Variants in ZNF485 observed in about 807,000 individuals in gnomAD.
ZNF485 encodes the protein Zinc finger protein 93 (Zinc finger protein HTF34).
Under a neutral mutation model 10.8 loss-of-function variants are expected in ZNF485, and 9 were observed. That is an observed-to-expected ratio of 0.83 (90% CI 0.50 to 1.45). ZNF485 has a LOEUF of 1.45. Ranked by LOEUF, ZNF485 falls within the 40% of genes most tolerant of loss-of-function variation. The pLI is 0.00. For synonymous variants in ZNF485, 187 were observed against 181.0 expected, an observed-to-expected ratio of 1.03 and a Z score of -0.27; for missense variants, 487 against 528.0, an observed-to-expected ratio of 0.92 and a Z score of 0.76.
chr10:43,606,656 A>G, intron 1 of ZNF485, 110 bp downstream of exon 1: 1 of 313,660 alleles, frequency 3.2e-6, no homozygotes, highest in Non-Finnish European at 5.9e-6. Context: ...TGGGAGGGGA[A>G]GGCGGCGGTG....
At chr10:43,609,640 G>C (rs955869931) in intron 4 of ZNF485, among the ~76,000 whole-genome samples, 79 of 151,842 alleles carry the variant, frequency 5.2e-4, no homozygotes, top group African/African-American at 1.9e-3. Context: ...GCATTCACCA[G>C]GTATCTTTTG....
Position 43,608,201 on chromosome 10 carries a change from T to C in ZNF485, c.25-413T>C, listed in dbSNP as rs148512151. Among the ~76,000 whole-genome samples, 126 of 152,384 alleles carry C rather than the reference T, an allele frequency of 8.3e-4. 2 individuals carry two copies. The highest frequency in any genetic ancestry group is 2.8e-3 in the African/African-American group (118 of 41,598). ...TTCTGTGTCAGGCAGTGTTTTTGAC[T>C]GGGAGGCAGCAGTGACCCACACTGT... On this transcript the variant is annotated intron_variant, in intron 2 of 4. Transcript: ENST00000361807.
chr10:43,606,637 G>A (rs1838651358), intron 1 of ZNF485, 91 bp downstream of exon 1: 1 of 303,518 alleles, frequency 3.3e-6, no homozygotes, highest in Non-Finnish European at 6.1e-6. Flanking sequence ...GTCGAGGGGC[G>A]AGCCGGGGTG....
rs982965270 is a variant in ZNF485 at position 43,608,692 on chromosome 10, C to T, written c.103C>T (p.Leu35=). The change falls in exon 3 of 5, where the codon CTG becomes TTG. Residue 35 remains leucine (L), a synonymous_variant. Transcript: ENST00000361807. ...WRHLDAAQRA[L]YRDVMLENYG... Reference sequence around the variant, plus strand: ...ACACCTGGATGCTGCTCAGCGGGCCCTGTACAGGGATGTGATGCTGGAGAA... The same window carrying T: ...ACACCTGGATGCTGCTCAGCGGGCCTTGTACAGGGATGTGATGCTGGAGAA... The T allele has an allele frequency of 1.5e-5, 25 of 1,614,124 alleles. No individual in the cohort carries two copies. Among genetic ancestry groups the T allele is most frequent in the Non-Finnish European group, 2.1e-5 (25 of 1,180,028 alleles).
Position 43,616,504 on chromosome 10 carries a change from G to A in ZNF485, c.461G>A (p.Ser154Asn), listed in dbSNP as rs1214574296. 1.2e-6 allele frequency: 2 copies of A among 1,614,142 alleles called. No homozygotes were observed. Among genetic ancestry groups the A allele is most frequent in the Middle Eastern group, 1.6e-4 (1 of 6,062 alleles). Reference protein sequence around the residue: ...SFISHQRNHTSEKPHKCKECG... With the variant: ...SFISHQRNHTNEKPHKCKECG... The stretch of plus-strand genomic sequence containing the variant: ...ATTAGCCACCAGAGAAATCACACCA[G>A]TGAGAAACCACATAAATGTAAAGAA... The change falls in exon 5 of 5, where the codon AGT becomes AAT. Residue 154 changes from serine (S) to asparagine (N), a missense_variant. By Grantham distance (46) the Ser-to-Asn change is conservative. Coordinates refer to ENST00000361807, the MANE Select transcript of ZNF485 (RefSeq NM_145312.4).
rs1564484638 is a variant in ZNF485, at chr10:43,616,968, A to G, written c.925A>G (p.Lys309Glu). Reference sequence around the variant, plus strand: ...TAATGAATGTGGAAAAGCCTTTAGGAAGAGCTCAACTCTTATTAGTCACCA... The same window carrying G: ...TAATGAATGTGGAAAAGCCTTTAGGGAGAGCTCAACTCTTATTAGTCACCA... ...QCNECGKAFR[K>E]SSTLISHQRM... The change falls in exon 5 of 5, where the codon AAG (lysine) becomes GAG (glutamate). Residue 309 changes from lysine to glutamate, a missense_variant. Lys to Glu is a moderately conservative substitution (Grantham distance 56, BLOSUM62 1). Coordinates refer to ENST00000361807, the MANE Select transcript of ZNF485 (RefSeq NM_145312.4). 1 of 1,614,156 alleles carries G rather than the reference A, an allele frequency of 6.2e-7. No homozygotes were observed. Among genetic ancestry groups the G allele is most frequent in the Non-Finnish European group, 8.5e-7 (1 of 1,180,038 alleles).
intron 4 of ZNF485, among the ~76,000 whole-genome samples, chr10:43,613,400 T>C (rs1272012686): frequency 1.3e-5 from 2 of 152,268 alleles, no homozygotes; most frequent in African/African-American, 4.8e-5. Context: ...TTTTTAGTTA[T>C]TTCTTTGCTG....
intron 4 of ZNF485, 64 bp downstream of exon 4, chr10:43,609,414 T>G (rs748856763): frequency 1.5e-6 from 2 of 1,296,210 alleles, no homozygotes; most frequent in Non-Finnish European, 2.2e-6. Context: ...GGTTCCTGAG[T>G]GGAAGCTCAT....
In ZNF485 at chr10:43,617,550, G is replaced by A; in HGVS notation, c.*181G>A. The stretch of plus-strand genomic sequence containing the variant: ...AAACTAAATGTATGTCAGTATGGAA[G>A]TAGTTATAGCATACTGTGTGCTAAT... On this transcript the variant is annotated 3_prime_UTR_variant, in exon 5 of 5. Transcript: ENST00000361807. 1 of 546,980 alleles carries A rather than the reference G, an allele frequency of 1.8e-6. No individual in the cohort carries two copies. Among genetic ancestry groups the A allele is most frequent in the Non-Finnish European group, 3.2e-6 (1 of 315,610 alleles). The allele number at this position is 546,980 out of a possible 1,614,324, so 33.9% of individuals were successfully genotyped here.
intron 3 of ZNF485, 21 bp downstream of exon 3, chr10:43,608,761 G>A: frequency 6.2e-7 from 1 of 1,611,624 alleles, no homozygotes; most frequent in South Asian, 1.1e-5. Flanking sequence ...CTTTCTCCTT[G>A]ACTCAGGATT....
At position 43,616,468 on chromosome 10, in the gene ZNF485, AT is replaced by A. The variant is rs1435403589; in HGVS notation, c.427del (p.Ser143ArgfsTer26). The A allele has an allele frequency of 6.2e-7, 1 of 1,614,112 alleles. No homozygotes were observed. Among genetic ancestry groups the A allele is most frequent in the Non-Finnish European group, 8.5e-7 (1 of 1,180,004 alleles). ...CKECGKVFKYNSSFISHQRNH... is the reference protein window; with the variant it reads ...CKECGKVFKYXSSFISHQRNH... Reference sequence around the variant, plus strand: ...GAATGTGGGAAAGTCTTCAAATACAATTCGTCCTTTATTAGCCACCAGAGAA... The same window carrying A: ...GAATGTGGGAAAGTCTTCAAATACAATCGTCCTTTATTAGCCACCAGAGAA... On this transcript the variant is annotated frameshift_variant, in exon 5 of 5. Coordinates refer to ENST00000361807, the MANE Select transcript of ZNF485 (RefSeq NM_145312.4). LOFTEE classifies it low-confidence loss of function (END_TRUNC).
chr10:43,609,212 A>ATTTTT, intron 3 of ZNF485, 43 bp from the exon 4 acceptor site: 2 of 1,348,716 alleles, frequency 1.5e-6, no homozygotes, highest in Admixed American at 1.9e-5. Context: ...CTTTTCATTC[A>ATTTTT]TTTTTTTTTT....
At chr10:43,607,265 T>G in intron 2 of ZNF485, 191 bp downstream of exon 2, 1 of 664,880 alleles carries the variant, frequency 1.5e-6, no homozygotes, top group Non-Finnish European at 2.6e-6. Flanking sequence ...GCTACCCATG[T>G]TTTCTAGAGT....
At chr10:43,613,408 C>T (rs1838801347) in intron 4 of ZNF485, among the ~76,000 whole-genome samples, 1 of 152,182 alleles carries the variant, frequency 6.6e-6, no homozygotes, top group South Asian at 2.1e-4. Flanking sequence ...TATTTCTTTG[C>T]TGTGGATCAA....
chr10:43,609,307 G>A lies in ZNF485; in HGVS notation c.204G>A (p.Glu68=), dbSNP rs1284551934. 6.2e-7 allele frequency: 1 copy of A among 1,613,874 alleles called. No individual in the cohort carries two copies. Among genetic ancestry groups the A allele is most frequent in the African/African-American group, 1.3e-5 (1 of 74,862 alleles). Residue 68 remains glutamate, a synonymous_variant, in exon 4 of 5, where the codon GAG becomes GAA. Coordinates refer to ENST00000361807, the MANE Select transcript of ZNF485 (RefSeq NM_145312.4). ...TTACTCAGTTGGAGCAAGGGGCAGA[G>A]CCCTGGACTGAGGTGCGAGAGGCTC... ...KLITQLEQGA[E]PWTEVREAPS...
At position 43,615,322 on chromosome 10, in the gene ZNF485, CG is replaced by C. The variant is rs753183464; in HGVS notation, c.248-968del. On this transcript the variant is annotated intron_variant, in intron 4 of 4. Coordinates refer to ENST00000361807, the MANE Select transcript of ZNF485 (RefSeq NM_145312.4). ...CAGAACGTTTTTGTCTGAATCATTT[CG>C]CTCTGTCTGTCTTAGGTCTTGTGTC... Among the ~76,000 whole-genome samples, 13 of 142,344 alleles carry C rather than the reference CG, an allele frequency of 9.1e-5. 1 individual carries two copies. Among genetic ancestry groups the C allele is most frequent in the Non-Finnish European group, 1.7e-4 (11 of 66,216 alleles). 93.4% of individuals were successfully genotyped at this position (142,344 alleles called of 152,430 possible). A position where few individuals can be genotyped will look rare whatever the true frequency, so the allele number is the denominator to read the frequency against.
At chr10:43,609,222 T>TC (rs1564481526) in intron 3 of ZNF485, 33 bp from the exon 4 acceptor site, 1 of 1,542,098 alleles carries the variant, frequency 6.5e-7, no homozygotes, top group Non-Finnish European at 8.9e-7. Flanking sequence ...ATTTTTTTTT[T>TC]CTTCCTCTAA....
intron 4 of ZNF485, among the ~76,000 whole-genome samples, chr10:43,610,842 G>C (rs374092005): frequency 6.6e-6 from 1 of 152,086 alleles, no homozygotes. Context: ...TCATCACTCA[G>C]TTCCCCTCCC....
rs528221222 is a variant in ZNF485 at position 43,617,527 on chromosome 10, A to G, written c.*158A>G. On this transcript the variant is annotated 3_prime_UTR_variant, in exon 5 of 5. Coordinates refer to ENST00000361807, the MANE Select transcript of ZNF485 (RefSeq NM_145312.4). ...TTCTACTAGTGAAATATTTGAAGAA[A>G]CTAAATGTATGTCAGTATGGAAGTA... The G allele has an allele frequency of 2.0e-5, 12 of 598,582 alleles. No individual in the cohort carries two copies. The African/African-American group carries it at 2.0e-4, about 10-fold the overall frequency. The allele number at this position is 598,582 out of a possible 1,614,324, so 37.1% of individuals were successfully genotyped here.
Sources: allele counts gnomAD v4.1 joint callset (sites outside exome capture counted in the v4.1 genomes callset), GRCh38; gene constraint gnomAD v4.1.1; transcripts MANE v1.5; gene names NCBI Gene and HGNC (gene_info 2026-07-23, HGNC 2026-07-21).